SRFBP1: variants seen among roughly 807,000 people sequenced by gnomAD.
SRFBP1 encodes the protein serum response factor-binding protein 1.
In SRFBP1, 47 loss-of-function variants were observed where a neutral mutation model predicts 45.5. The observed-to-expected ratio is 1.03, with a 90% CI of 0.82 to 1.32. The LOEUF (loss-of-function observed/expected upper bound fraction) is 1.32. Ranked by LOEUF, SRFBP1 falls within the 40% of genes most tolerant of loss-of-function variation. The probability of loss-of-function intolerance (pLI) is 0.00; values close to 1 mark genes in which losing one functional copy is unlikely to be tolerated. For synonymous variants in SRFBP1, 203 were observed against 166.3 expected, an observed-to-expected ratio of 1.22 and a Z score of -1.70; for missense variants, 621 against 484.6, an observed-to-expected ratio of 1.28 and a Z score of -2.64.
In SRFBP1 at chr5:121,990,794, C is replaced by A. The variant is rs536930098; in HGVS notation, c.199-3805C>A. Among the ~76,000 whole-genome samples the A allele has an allele frequency of 1.1e-4, 16 of 152,226 alleles. No homozygotes were observed. The East Asian group carries it at 3.1e-3, about 29-fold the overall frequency. The stretch of plus-strand genomic sequence containing the variant: ...AAAAGTTGTTTGTTTTATGTATGTC[C>A]TCAACACATTTTCTTTTGACTACAT... On this transcript the variant is annotated intron_variant, in intron 3 of 7. Transcript: ENST00000339397.
At chr5:121,984,724 T>C (rs369492473) in intron 3 of SRFBP1, among the ~76,000 whole-genome samples, 2 of 151,870 alleles carry the variant, frequency 1.3e-5, no homozygotes, top group African/African-American at 4.8e-5. Flanking sequence ...TTATTTAAGA[T>C]GACCATTGCC....
intron 4 of SRFBP1, among the ~76,000 whole-genome samples, chr5:122,014,697 C>A (rs1753162476): frequency 6.6e-6 from 1 of 152,126 alleles, no homozygotes; most frequent in Admixed American, 6.6e-5. Context: ...TCTGGGATAT[C>A]TTCCAGGGCA....
At chr5:121,994,829 C>T (rs984092209) in intron 4 of SRFBP1, among the ~76,000 whole-genome samples, 159 bp downstream of exon 4, 6 of 152,028 alleles carry the variant, frequency 3.9e-5, no homozygotes, top group African/African-American at 1.4e-4. Flanking sequence ...AAAATTTATA[C>T]TAACATATAC....
chr5:122,063,078 C>T (rs1162592335), intron 2 of SRFBP1: 1 of 151,806 alleles, frequency 6.6e-6, no homozygotes, highest in East Asian at 1.9e-4. Flanking sequence ...CCTAATTAAA[C>T]AATTTTTTAG....
At chr5:122,053,406 G>A (rs780945453) in intron 2 of SRFBP1, among the ~76,000 whole-genome samples, 10 of 152,162 alleles carry the variant, frequency 6.6e-5, no homozygotes, top group Non-Finnish European at 1.3e-4. Context: ...GTGGAAGTGA[G>A]TGGGTTCCTG....
chr5:122,048,106 G>A (rs1256720993), intron 2 of SRFBP1, among the ~76,000 whole-genome samples: 1 of 152,132 alleles, frequency 6.6e-6, no homozygotes, highest in East Asian at 1.9e-4. Flanking sequence ...GTGAGAGAGG[G>A]CATCCCTGTC....
intron 4 of SRFBP1, among the ~76,000 whole-genome samples, chr5:122,001,831 G>T (rs1752880082): frequency 6.6e-6 from 1 of 152,056 alleles, no homozygotes; most frequent in Non-Finnish European, 1.5e-5. Flanking sequence ...AAAGTGCTGG[G>T]ATTACAGGCG....
At chr5:121,995,901 T>A (rs1580514351) in intron 4 of SRFBP1, among the ~76,000 whole-genome samples, 1 of 152,058 alleles carries the variant, frequency 6.6e-6, no homozygotes, top group African/African-American at 2.4e-5. Context: ...GCAAATAAAT[T>A]AGAAAATCTA....
chr5:122,077,720 G>A, downstream of SRFBP1: 1 of 1,584,638 alleles, frequency 6.3e-7, no homozygotes, highest in South Asian at 1.1e-5. This position sits in a 1 kb window ranked among gnomAD's most constrained non-coding sequence, Gnocchi z 4.9. Flanking sequence ...CAGGATCGGA[G>A]TGCGGGGCTG....
chr5:121,970,711 T>C (rs1236525120), intron 1 of SRFBP1, among the ~76,000 whole-genome samples: 1 of 152,096 alleles, frequency 6.6e-6, no homozygotes, highest in Non-Finnish European at 1.5e-5. Context: ...AAACAGTGAA[T>C]AGACAGTGTG....
chr5:122,069,985 GTATAATGTTTGGCATGAACAAAAAT>G, intron 2 of SRFBP1: 1 of 1,060,920 alleles, frequency 9.4e-7, no homozygotes, highest in Non-Finnish European at 1.5e-6. Context: ...TACATTCTAT[GTATAATGTTTGGCATGAACAAAAAT>G]TATTTGTGAC....
At chr5:121,973,445 A>C (rs182949281) in intron 1 of SRFBP1, among the ~76,000 whole-genome samples, 1 of 151,982 alleles carries the variant, frequency 6.6e-6, no homozygotes, top group African/African-American at 2.4e-5. Context: ...ATGAAATATA[A>C]ACTCCGTAAT....
At chr5:122,004,631 CT>C (rs1752941838) in intron 4 of SRFBP1, among the ~76,000 whole-genome samples, 1 of 151,912 alleles carries the variant, frequency 6.6e-6, no homozygotes, top group Non-Finnish European at 1.5e-5. Flanking sequence ...TGTTGATCTC[CT>C]CTTGTTTTTC....
At chr5:122,066,533 A>T (rs1234002928) in intron 2 of SRFBP1, 1 of 493,898 alleles carries the variant, frequency 2.0e-6, no homozygotes, top group African/African-American at 1.9e-5. Flanking sequence ...TGATGTAAAT[A>T]ATAAACATTA....
intron 3 of SRFBP1, among the ~76,000 whole-genome samples, chr5:121,993,614 G>A (rs1752658974): frequency 1.3e-5 from 2 of 152,068 alleles, no homozygotes; most frequent in African/African-American, 2.4e-5. Context: ...CTTGTTAAAT[G>A]AAGAACTGAC....
rs5870986 is a variant in SRFBP1 at position 121,968,221 on chromosome 5, CATTATTATTATTATTATTATT to C, written c.37-5959_37-5939del. 5.3e-4 allele frequency among the ~76,000 whole-genome samples: 76 copies of C among 144,708 alleles called. 1 individual carries two copies. Among genetic ancestry groups the C allele is most frequent in the African/African-American group, 1.8e-3 (72 of 39,376 alleles). 94.9% of individuals were successfully genotyped at this position (144,708 alleles called of 152,430 possible). On this transcript the variant is annotated intron_variant, in intron 1 of 7. Transcript: ENST00000339397. Reference sequence around the variant, plus strand: ...AACCTCAGATAGTACCAAACTCTGTCATTATTATTATTATTATTATTATTATTATTATTATTTTCTGTACAG... The same window carrying C: ...AACCTCAGATAGTACCAAACTCTGTCATTATTATTATTATTTTCTGTACAG...
At chr5:121,995,387 A>T (rs1356091255) in intron 4 of SRFBP1, among the ~76,000 whole-genome samples, 1 of 152,218 alleles carries the variant, frequency 6.6e-6, no homozygotes, top group Non-Finnish European at 1.5e-5. Context: ...ACTACATGGA[A>T]GCTGAACAAC....
rs1456626444 is a variant in SRFBP1 at position 122,020,436 on chromosome 5, A to G, written c.701A>G (p.Lys234Arg). 1 of 1,613,996 alleles carries G rather than the reference A, an allele frequency of 6.2e-7. No individual in the cohort carries two copies. Among genetic ancestry groups the G allele is most frequent in the Admixed American group, 1.7e-5 (1 of 59,992 alleles). The change falls in exon 6 of 8, where the codon AAA (lysine) becomes AGA (arginine). Residue 234 changes from lysine (K) to arginine (R), a missense_variant. Transcript: ENST00000339397. ...DPKLKTLSQT[K>R]KNKGSDSSLS... Reference sequence around the variant, plus strand: ...AAACTGAAAACTCTAAGTCAAACCAAAAAAAACAAAGGATCTGATAGCTCA... The same window carrying G: ...AAACTGAAAACTCTAAGTCAAACCAGAAAAAACAAAGGATCTGATAGCTCA...
intron 2 of SRFBP1, among the ~76,000 whole-genome samples, chr5:122,044,515 A>AT (rs368837677): frequency 9.7e-4 from 142 of 146,316 alleles, no homozygotes; most frequent in Admixed American, 2.4e-3. Context: ...AGCATCTATT[A>AT]TTTTTTTTTT....
Sources: gnomAD v4.1 joint callset for allele counts (sites outside exome capture counted in the v4.1 genomes callset) on GRCh38, gnomAD v4.1.1 for gene constraint, Gnocchi (gnomAD v3.1) non-coding constraint, MANE v1.5 for transcripts, NCBI Gene and HGNC (gene_info 2026-07-23, HGNC 2026-07-21) for gene names.